PNPT1: variants seen among roughly 807,000 people sequenced by gnomAD.
The protein encoded by PNPT1 is polyribonucleotide nucleotidyltransferase 1.
Under a neutral mutation model 119.5 loss-of-function variants are expected in PNPT1, and 53 were observed. The ratio of observed to expected loss-of-function variants is 0.44; its 90% CI spans 0.36 to 0.56. PNPT1 has a LOEUF of 0.56. Ranked by LOEUF, PNPT1 falls within the 20% of genes least tolerant of loss-of-function variation. The pLI is 0.00. For synonymous variants in PNPT1, 357 were observed against 322.1 expected (o/e 1.11, Z -1.16); for missense variants, 948 against 938.5 (o/e 1.01, Z -0.13).
rs1206867972 is a variant in PNPT1, at chr2:55,634,624, C to G, written c.*1613G>C. 3 of 150,404 alleles carry G rather than the reference C, an allele frequency of 2.0e-5. No homozygotes were observed. The highest frequency in any genetic ancestry group is 4.4e-5 in the Non-Finnish European group (3 of 67,818). The allele number at this position is 150,404 out of a possible 1,614,324, so 9.3% of individuals were successfully genotyped here. On this transcript the variant is annotated 3_prime_UTR_variant, in exon 28 of 28. Coordinates refer to ENST00000447944, the MANE Select transcript of PNPT1 (RefSeq NM_033109.5). ...AGGCTGGAGTGCAGTGGTGCGATCT[C>G]AGCTCACTGCCACCTCTGCCTCCCA...
intron 5 of PNPT1, among the ~76,000 whole-genome samples, chr2:55,683,482 G>T (rs1697307855): frequency 6.6e-6 from 1 of 151,778 alleles, no homozygotes; most frequent in South Asian, 2.1e-4. Flanking sequence ...GCATGGTGGT[G>T]CGTGCCTGTA....
At chr2:55,642,796 A>C (rs1695875211) in intron 25 of PNPT1, among the ~76,000 whole-genome samples, 2 of 152,098 alleles carry the variant, frequency 1.3e-5, no homozygotes, top group Non-Finnish European at 2.9e-5. Context: ...GTAAAATTAA[A>C]TTGGGATTAT....
chr2:55,655,558 A>G (rs1234885560), intron 17 of PNPT1, among the ~76,000 whole-genome samples: 1 of 152,226 alleles, frequency 6.6e-6, no homozygotes, highest in East Asian at 1.9e-4. Flanking sequence ...CCATTAATTT[A>G]GTCACACCCA....
intron 15 of PNPT1, among the ~76,000 whole-genome samples, chr2:55,658,297 G>A (rs551279970): frequency 6.6e-6 from 1 of 152,068 alleles, no homozygotes; most frequent in African/African-American, 2.4e-5. Flanking sequence ...CTAAACTATA[G>A]TATCTAAAAA....
At chr2:55,660,308 A>C (rs1696525503) in intron 14 of PNPT1, 115 bp from the exon 15 acceptor site, 2 of 1,084,824 alleles carry the variant, frequency 1.8e-6, no homozygotes, top group Admixed American at 6.3e-5. Flanking sequence ...GTTAATGAAA[A>C]ATCAGACTGA....
At chr2:55,644,075 CT>C (rs1400658891) in intron 23 of PNPT1, among the ~76,000 whole-genome samples, 6 of 152,094 alleles carry the variant, frequency 3.9e-5, no homozygotes, top group African/African-American at 7.2e-5. Context: ...CCTTTCCTTA[CT>C]TTTTTTCTTT....
rs554279029 is a variant in PNPT1 at position 55,635,136 on chromosome 2, G to A, written c.*1101C>T. The A allele has an allele frequency of 1.3e-5, 2 of 152,164 alleles. No homozygotes were observed. The highest frequency in any genetic ancestry group is 1.9e-4 in the East Asian group (1 of 5,174). The allele number at this position is 152,164 out of a possible 1,614,324, so 9.4% of individuals were successfully genotyped here. A position where few individuals can be genotyped will look rare whatever the true frequency, so the allele number is the denominator to read the frequency against. Reference sequence around the variant, plus strand: ...CATTTACTTTTCTGTGGAATTATAAGGTGATATTTTAAATGATGGGAATGA... The same window carrying A: ...CATTTACTTTTCTGTGGAATTATAAAGTGATATTTTAAATGATGGGAATGA... On this transcript the variant is annotated 3_prime_UTR_variant, in exon 28 of 28. Transcript: ENST00000447944.
intron 13 of PNPT1, among the ~76,000 whole-genome samples, chr2:55,666,231 A>G (rs1696725785): frequency 6.6e-6 from 1 of 152,188 alleles, no homozygotes; most frequent in Admixed American, 6.5e-5. Context: ...AAACTCTTGG[A>G]GGTAACTGAT....
chr2:55,692,639 T>G (rs954143644), intron 1 of PNPT1, among the ~76,000 whole-genome samples: 1 of 152,190 alleles, frequency 6.6e-6, no homozygotes, highest in Non-Finnish European at 1.5e-5. Context: ...TTATCTAACC[T>G]TTTTTGAGCC....
chr2:55,686,285 C>T (rs573273475), intron 3 of PNPT1, 85 bp downstream of exon 3: 1 of 1,251,088 alleles, frequency 8.0e-7, no homozygotes, highest in Non-Finnish European at 1.1e-6. Flanking sequence ...GTATTTTCCA[C>T]TCACTAGACA....
At chr2:55,639,075 C>G (rs547358357) in intron 26 of PNPT1, among the ~76,000 whole-genome samples, 1 of 152,054 alleles carries the variant, frequency 6.6e-6, no homozygotes, top group East Asian at 1.9e-4. Flanking sequence ...TGCACCTGGC[C>G]CAAGGACATC....
chr2:55,644,717 G>T lies in PNPT1; in HGVS notation c.1826C>A (p.Thr609Asn). The change falls in exon 23 of 28, where the codon ACT becomes AAT. Residue 609 changes from threonine (T) to asparagine (N), a missense_variant. Thr to Asn is a moderately conservative substitution (Grantham distance 65, BLOSUM62 0). Coordinates refer to ENST00000447944, the MANE Select transcript of PNPT1 (RefSeq NM_033109.5). ...TCGTTTTGATAATGGAACCTGAACA[G>T]TTTCTGGAACGTAATACAGACAAAT... ...SRKENGPVVETVQVPLSKRAK... is the reference protein window; with the variant it reads ...SRKENGPVVENVQVPLSKRAK... 3 of 1,605,938 alleles carry T rather than the reference G, an allele frequency of 1.9e-6. No homozygotes were observed. Among genetic ancestry groups the T allele is most frequent in the African/African-American group, 2.7e-5 (2 of 74,692 alleles).
At chr2:55,661,704 G>A (rs1383777384) in intron 14 of PNPT1, among the ~76,000 whole-genome samples, 2 of 152,080 alleles carry the variant, frequency 1.3e-5, no homozygotes, top group Non-Finnish European at 2.9e-5. Flanking sequence ...TCATTCTAGA[G>A]ACAGAGAACA....
chr2:55,691,863 TATATATATATATATA>T (rs1298202527), intron 1 of PNPT1, among the ~76,000 whole-genome samples: 42 of 34,276 alleles, frequency 1.2e-3, no homozygotes, highest in Admixed American at 8.2e-3. Flanking sequence ...TATATATATA[TATATATATATATATA>T]TTTTTTTTTT....
In PNPT1 at chr2:55,660,221, ACAT is replaced by A. The variant is rs765578385; in HGVS notation, c.1248-31_1248-29del. 1.9e-6 allele frequency: 3 copies of A among 1,556,570 alleles called. No homozygotes were observed. The African/African-American group carries it at 4.1e-5, about 21-fold the overall frequency. ...AAAAATAAAAGGCATAATATTAAAA[ACAT>A]CATAGGGAAAAAACATATTTATTTC... On this transcript the variant is annotated intron_variant, in intron 14 of 27. Coordinates refer to ENST00000447944, the MANE Select transcript of PNPT1 (RefSeq NM_033109.5).
At chr2:55,665,334 G>C (rs1472329761) in intron 13 of PNPT1, among the ~76,000 whole-genome samples, 2 of 152,126 alleles carry the variant, frequency 1.3e-5, no homozygotes, top group African/African-American at 2.4e-5. Context: ...AGAAAAAGTA[G>C]GTGAGTAACT....
At chr2:55,672,067 T>A in intron 9 of PNPT1, 21 bp from the exon 10 acceptor site, 1 of 1,556,484 alleles carries the variant, frequency 6.4e-7, no homozygotes, top group Non-Finnish European at 8.7e-7. Flanking sequence ...AGAAAATAAA[T>A]GTTAGCATAA....
intron 14 of PNPT1, 87 bp downstream of exon 14, chr2:55,661,869 A>T (rs927127599): frequency 6.5e-6 from 8 of 1,230,354 alleles, no homozygotes; most frequent in Non-Finnish European, 8.7e-6. Context: ...TAAAAAAAGT[A>T]ACAATAATTA....
chr2:55,672,975 A>G lies in PNPT1; in HGVS notation c.784T>C (p.Leu262=), dbSNP rs753902404. The part of the protein sequence containing the change: ...TQQIIQGIQQ[L]VKETGVTKRT... ...TTGGTAACACCAGTTTCTTTTACCA[A>G]CTGCTGAATGCCCTGAATTATTTGT... The change falls in exon 9 of 28, where the codon TTG becomes CTG. Residue 262 remains leucine, a synonymous_variant. Coordinates refer to ENST00000447944, the MANE Select transcript of PNPT1 (RefSeq NM_033109.5). The G allele has an allele frequency of 6.2e-7, 1 of 1,613,640 alleles. No homozygotes were observed. The highest frequency in any genetic ancestry group is 8.5e-7 in the Non-Finnish European group (1 of 1,179,898).
Sources: allele counts gnomAD v4.1 joint callset (sites outside exome capture counted in the v4.1 genomes callset), GRCh38; gene constraint gnomAD v4.1.1; transcripts MANE v1.5; gene names NCBI Gene and HGNC (gene_info 2026-07-23, HGNC 2026-07-21).